Variants in SYNE2 observed in about 807,000 individuals in gnomAD.
The protein encoded by SYNE2 is spectrin repeat containing nuclear envelope protein 2.
Under a neutral mutation model 856.3 loss-of-function variants are expected in SYNE2, and 431 were observed. That is an observed-to-expected ratio of 0.50 (90% CI 0.47 to 0.55). The LOEUF is 0.55. SYNE2 is among the 20% of genes least tolerant of loss of function. SYNE2 has a pLI of 0.00. For missense variants in SYNE2, 8,129 were observed against 8,023.2 expected (o/e 1.01, Z -0.50); for synonymous variants, 2,923 against 2,872.3 (o/e 1.02, Z -0.56).
intron 1 of SYNE2, among the ~76,000 whole-genome samples, chr14:63,862,145 A>G (rs888745502): frequency 2.0e-5 from 3 of 152,258 alleles, no homozygotes; most frequent in Non-Finnish European, 4.4e-5. Context: ...AAACCAAATC[A>G]TGTGTAGCCA....
At chr14:64,039,491 A>G (rs1001215123) in intron 45 of SYNE2, among the ~76,000 whole-genome samples, 1 of 152,326 alleles carries the variant, frequency 6.6e-6, no homozygotes. Context: ...GGAGTTCATG[A>G]TATTCTTCTC....
At chr14:64,090,820 C>G in intron 59 of SYNE2, 46 bp from the exon 60 acceptor site, 3 of 1,508,506 alleles carry the variant, frequency 2.0e-6, no homozygotes, top group Non-Finnish European at 2.8e-6. Context: ...TTAACAGTGG[C>G]CATTGTCTTT....
intron 115 of SYNE2, 109 bp from the exon 116 acceptor site, chr14:64,225,210 T>A (rs553552846): frequency 1.3e-6 from 2 of 1,586,400 alleles, no homozygotes; most frequent in East Asian, 4.5e-5. Context: ...TTGGCCCTAT[T>A]TAAATCTCAG....
At chr14:64,216,517 G>A (rs2098667341) in intron 108 of SYNE2, 130 bp downstream of exon 108, 1 of 1,045,578 alleles carries the variant, frequency 9.6e-7, no homozygotes, top group Middle Eastern at 2.0e-4. Flanking sequence ...TTTTCTTATG[G>A]TGACAGTGTC....
rs151015876 is a variant in SYNE2 at position 63,948,071 on chromosome 14, A to G, written c.409-1754A>G. ...CTTATTCTTTAAGAAAGTCTTCATT[A>G]TTATTTGCTTTTTGCATTTTTATAT... On this transcript the variant is annotated intron_variant, in intron 6 of 115. Coordinates refer to ENST00000555002, the MANE Select transcript of SYNE2 (RefSeq NM_182914.3). Among the ~76,000 whole-genome samples the G allele has an allele frequency of 1.4e-3, 216 of 152,072 alleles. 7 individuals are homozygous for G. In the East Asian group the frequency reaches 0.036, roughly 25 times the overall value.
intron 8 of SYNE2, among the ~76,000 whole-genome samples, chr14:63,958,970 A>T (rs2096274166): frequency 6.6e-6 from 1 of 152,088 alleles, no homozygotes; most frequent in South Asian, 2.1e-4. Context: ...CCCCATCAGT[A>T]TGAAGTTTGC....
At chr14:64,166,946 T>C (rs530904908) in intron 90 of SYNE2, 196 of 427,742 alleles carry the variant, frequency 4.6e-4, no homozygotes, top group Middle Eastern at 7.1e-4. Context: ...AAATAAAAAA[T>C]AAAAAAGCCT....
At chr14:64,165,142 C>T in intron 89 of SYNE2, 143 bp from the exon 90 acceptor site, 3 of 788,068 alleles carry the variant, frequency 3.8e-6, no homozygotes, top group South Asian at 1.5e-5. Flanking sequence ...CCACCTCGGC[C>T]TCCCAAAGTG....
intron 96 of SYNE2, among the ~76,000 whole-genome samples, chr14:64,185,519 C>CTTTTTCTTTTT (rs1270669581): frequency 1.3e-5 from 1 of 77,478 alleles, no homozygotes; most frequent in African/African-American, 5.3e-5. Context: ...TTTTCTTTTT[C>CTTTTTCTTTTT]TTTTTTTTTT....
intron 6 of SYNE2, among the ~76,000 whole-genome samples, chr14:63,948,653 T>C (rs2096074956): frequency 8.9e-6 from 1 of 112,558 alleles, no homozygotes; most frequent in Non-Finnish European, 1.9e-5. Flanking sequence ...GGAGCGAGAC[T>C]CCATCTCAAA....
intron 65 of SYNE2, among the ~76,000 whole-genome samples, chr14:64,107,831 AT>A (rs1403176180): frequency 7.2e-5 from 11 of 152,234 alleles, no homozygotes; most frequent in Non-Finnish European, 1.0e-4. Context: ...CTTTTCACTC[AT>A]TTACCATTTG....
intron 1 of SYNE2, among the ~76,000 whole-genome samples, chr14:63,826,031 T>C (rs910163142): frequency 1.3e-5 from 2 of 152,098 alleles, no homozygotes; most frequent in Non-Finnish European, 2.9e-5. Flanking sequence ...TTTTAAAGAA[T>C]TGGACAAGCT....
intron 2 of SYNE2, among the ~76,000 whole-genome samples, chr14:63,934,782 T>C (rs2095809219): frequency 6.6e-6 from 1 of 152,100 alleles, no homozygotes; most frequent in Non-Finnish European, 1.5e-5. Context: ...CACCTTATCA[T>C]CTAGATGGAA....
upstream of SYNE2, among the ~76,000 whole-genome samples, chr14:63,852,662 C>A (rs1890643619): frequency 6.6e-6 from 1 of 152,182 alleles, no homozygotes; most frequent in African/African-American, 2.4e-5. Flanking sequence ...TTCCAAGACC[C>A]AGGAATCTAC....
chr14:64,001,232 T>C (rs534074122), intron 28 of SYNE2, among the ~76,000 whole-genome samples: 1 of 152,360 alleles, frequency 6.6e-6, no homozygotes, highest in East Asian at 1.9e-4. Flanking sequence ...ATATTTGTAA[T>C]ATGGAAATAT....
At position 64,163,412 on chromosome 14, in the gene SYNE2, A is replaced by G. The variant is rs202122347; in HGVS notation, c.16310A>G (p.His5437Arg). 1.7e-5 allele frequency: 28 copies of G among 1,614,030 alleles called. No individual in the cohort carries two copies. In the East Asian group the frequency reaches 4.9e-4, roughly 28 times the overall value. ...PALQDIKELQ[H>R]DVQKTKEAFL... is the part of the protein sequence containing the mutation. ...CTTTTTCTTCTGCAGGAGCTGCAGC[A>G]TGATGTGCAGAAAACAAAAGAAGCC... Residue 5437 changes from histidine to arginine, a missense_variant, in exon 89 of 116, where the codon CAT (histidine) becomes CGT (arginine). By Grantham distance (29) the His-to-Arg change is conservative (BLOSUM62 0). Around this residue, in one of 3 missense-constraint regions of SYNE2, gnomAD observed 5,410 missense variants for 5,284.8 expected, o/e 1.02. Transcript: ENST00000555002.
intron 82 of SYNE2, among the ~76,000 whole-genome samples, chr14:64,142,315 T>C (rs113796902): frequency 1.3e-5 from 2 of 152,256 alleles, no homozygotes; most frequent in African/African-American, 4.8e-5. Context: ...AGCAAGCTTT[T>C]AACAGACTGT....
At chr14:63,827,625 CAAAAAAAAAAAAA>C (rs11334415) in intron 1 of SYNE2, among the ~76,000 whole-genome samples, 34 of 28,410 alleles carry the variant, frequency 1.2e-3, no homozygotes, top group African/African-American at 2.9e-3. Context: ...AACTCTGTCT[CAAAAAAAAAAAAA>C]AAAAAAAAAA....
rs1166756231 is a variant in SYNE2, at chr14:64,113,685, A to G, written c.12840+114A>G. 15 of 1,164,492 alleles carry G rather than the reference A, an allele frequency of 1.3e-5. No individual in the cohort carries two copies. The Admixed American group carries it at 2.8e-4, about 22-fold the overall frequency. The allele number at this position is 1,164,492 out of a possible 1,614,324, so 72.1% of individuals were successfully genotyped here. On this transcript the variant is annotated intron_variant, in intron 66 of 115. Coordinates refer to ENST00000555002, the MANE Select transcript of SYNE2 (RefSeq NM_182914.3). ...TTCTTTCTGTTACTCTGACCCTTAC[A>G]TTTATCTTGGCCTCAGCTTTTAGTT...
Sources: gnomAD v4.1 joint callset for allele counts (sites outside exome capture counted in the v4.1 genomes callset) on GRCh38, gnomAD v4.1.1 for gene constraint, gnomAD v4.1.1 regional missense constraint, MANE v1.5 for transcripts, NCBI Gene and HGNC (gene_info 2026-07-23, HGNC 2026-07-21) for gene names.